The following KIAA1217 variants were observed in gnomAD, a reference collection of about 807,000 sequenced individuals.
The protein encoded by KIAA1217 is sickle tail protein homolog.
Under a neutral mutation model 163.9 loss-of-function variants are expected in KIAA1217, and 88 were observed. That is an observed-to-expected ratio of 0.54 (90% CI 0.45 to 0.64). The LOEUF (loss-of-function observed/expected upper bound fraction) is 0.64. Among genes scored for constraint, KIAA1217 ranks in the 30% least tolerant of loss-of-function variants. KIAA1217 has a pLI of 0.00. For missense variants in KIAA1217, 2,372 were observed against 2,475.0 expected (o/e 0.96, Z 0.88); for synonymous variants, 903 against 923.1 (o/e 0.98, Z 0.39).
Position 24,498,344 on chromosome 10 carries a change from G to A in KIAA1217, c.1835-3035G>A, listed in dbSNP as rs188372596. Among the ~76,000 whole-genome samples the A allele has an allele frequency of 1.8e-3, 280 of 152,282 alleles. 1 individual carries two copies. The highest frequency in any genetic ancestry group is 6.0e-3 in the African/African-American group (248 of 41,556). ...CAAAGTGACTAAAAGGAAAAGAAGTGGCTGACAAAGCTTAGTGTCACATTG... is the reference window on the plus strand; with the variant it reads ...CAAAGTGACTAAAAGGAAAAGAAGTAGCTGACAAAGCTTAGTGTCACATTG... On this transcript the variant is annotated intron_variant, in intron 8 of 20. Coordinates refer to ENST00000376454, the MANE Select transcript of KIAA1217 (RefSeq NM_019590.5).
chr10:23,978,104 A>C (rs572978761), intron 1 of KIAA1217, among the ~76,000 whole-genome samples: 1 of 152,288 alleles, frequency 6.6e-6, no homozygotes, highest in South Asian at 2.1e-4. Flanking sequence ...CTGATAAGGG[A>C]GTTGGGTGAC....
intron 2 of KIAA1217, among the ~76,000 whole-genome samples, chr10:24,018,774 C>G (rs1243968519): frequency 6.6e-6 from 1 of 152,032 alleles, no homozygotes; most frequent in Non-Finnish European, 1.5e-5. Context: ...TATTGCAGCA[C>G]TATTCACCAT....
chr10:24,529,693 G>A (rs1430364757), intron 14 of KIAA1217, among the ~76,000 whole-genome samples: 1 of 151,924 alleles, frequency 6.6e-6, no homozygotes, highest in African/African-American at 2.4e-5. Flanking sequence ...GCTGTGTCAG[G>A]TCTGTCTAGG....
intron 2 of KIAA1217, among the ~76,000 whole-genome samples, chr10:24,091,528 G>T (rs529758039): frequency 6.6e-6 from 1 of 151,882 alleles, no homozygotes; most frequent in East Asian, 1.9e-4. Flanking sequence ...TTAACAAATT[G>T]CCAAACTGTA....
At chr10:23,720,108 G>C (rs1311760087) in intron 1 of KIAA1217, among the ~76,000 whole-genome samples, 1 of 151,718 alleles carries the variant, frequency 6.6e-6, no homozygotes, top group Non-Finnish European at 1.5e-5. Context: ...GATAGAGATG[G>C]TGGTTACACA....
At chr10:24,289,053 C>G (rs220353) in intron 2 of KIAA1217, among the ~76,000 whole-genome samples, 56,485 of 152,052 alleles carry the variant, frequency 0.37, 11,612 homozygotes, top group Non-Finnish European at 0.47. Flanking sequence ...ACTTTTTACG[C>G]TTTTTTCTCT....
chr10:24,261,321 A>C (rs1334509174), intron 2 of KIAA1217, among the ~76,000 whole-genome samples: 1 of 151,972 alleles, frequency 6.6e-6, no homozygotes, highest in Non-Finnish European at 1.5e-5. Flanking sequence ...AACATGGTGA[A>C]ACCCCTTTTC....
intron 2 of KIAA1217, among the ~76,000 whole-genome samples, chr10:24,257,242 A>T (rs998028037): frequency 6.6e-6 from 1 of 152,112 alleles, no homozygotes; most frequent in Non-Finnish European, 1.5e-5. Context: ...GCTTTAAAAA[A>T]CTTTGGTGTA....
At chr10:24,213,687 T>C (rs1159459842) in intron 1 of KIAA1217, among the ~76,000 whole-genome samples, 1 of 152,158 alleles carries the variant, frequency 6.6e-6, no homozygotes, top group Non-Finnish European at 1.5e-5. Flanking sequence ...AATATTTGTA[T>C]GAATGAATGA....
intron 2 of KIAA1217, among the ~76,000 whole-genome samples, chr10:24,220,905 T>C (rs1249571256): frequency 6.6e-6 from 1 of 151,918 alleles, no homozygotes; most frequent in Non-Finnish European, 1.5e-5. Context: ...ACTACAGACA[T>C]GCAGCACCAT....
intron 1 of KIAA1217, among the ~76,000 whole-genome samples, chr10:23,770,957 A>G (rs1345182957): frequency 2.0e-5 from 3 of 152,198 alleles, no homozygotes; most frequent in Admixed American, 6.5e-5. Flanking sequence ...TTAGCGTGTT[A>G]TCAACCCAAC....
chr10:24,092,514 A>C (rs1211744774), intron 2 of KIAA1217, among the ~76,000 whole-genome samples: 2 of 151,798 alleles, frequency 1.3e-5, no homozygotes, highest in African/African-American at 4.9e-5. Context: ...CTGTCCCTCA[A>C]CCTATGAATG....
At chr10:23,841,309 G>A (rs1838769168) in intron 1 of KIAA1217, among the ~76,000 whole-genome samples, 1 of 152,124 alleles carries the variant, frequency 6.6e-6, no homozygotes, top group African/African-American at 2.4e-5. Context: ...CAACTGTAAA[G>A]ACCCTGAGAT....
In KIAA1217 at chr10:24,067,933, C is replaced by T. The variant is rs531755958; in HGVS notation, c.-171+60559C>T. ...GAGCGAGGCTCCATGGGTGTAGGACCCTCAGAGCCTTGTGCAGGATATAAT... is the reference window on the plus strand; with the variant it reads ...GAGCGAGGCTCCATGGGTGTAGGACTCTCAGAGCCTTGTGCAGGATATAAT... On this transcript the variant is annotated intron_variant, in intron 2 of 18. Transcript: ENST00000376462. Among the ~76,000 whole-genome samples, 27 of 152,354 alleles carry T rather than the reference C, an allele frequency of 1.8e-4. 1 individual carries two copies. In the South Asian group the frequency reaches 5.2e-3, roughly 29 times the overall value.
chr10:24,317,222 A>T (rs1437118972), intron 2 of KIAA1217, among the ~76,000 whole-genome samples: 2 of 152,170 alleles, frequency 1.3e-5, no homozygotes, highest in Non-Finnish European at 2.9e-5. Flanking sequence ...CTGATACATA[A>T]ATAAACCCAT....
chr10:24,507,654 TTAA>T (rs1304099516), intron 9 of KIAA1217, among the ~76,000 whole-genome samples: 1 of 151,976 alleles, frequency 6.6e-6, no homozygotes, highest in East Asian at 1.9e-4. Context: ...TGAGACAATA[TTAA>T]TAAAAGATGA....
chr10:24,164,784 G>A (rs1265643812), intron 2 of KIAA1217, among the ~76,000 whole-genome samples: 1 of 152,130 alleles, frequency 6.6e-6, no homozygotes, highest in African/African-American at 2.4e-5. Context: ...GATTCTAGGT[G>A]GAAAGGCCCT....
intron 1 of KIAA1217, among the ~76,000 whole-genome samples, chr10:23,713,391 C>G (rs767670518): frequency 4.9e-4 from 74 of 152,198 alleles, no homozygotes; most frequent in Non-Finnish European, 7.4e-4. Flanking sequence ...TGTTTTTTTA[C>G]TTCCAATGGA....
chr10:24,087,807 T>A (rs1199838160), intron 2 of KIAA1217, among the ~76,000 whole-genome samples: 1 of 152,246 alleles, frequency 6.6e-6, no homozygotes, highest in African/African-American at 2.4e-5. Flanking sequence ...CTTTCCACAC[T>A]TATGCATTCT....
Sources: gnomAD v4.1 joint callset for allele counts (sites outside exome capture counted in the v4.1 genomes callset) on GRCh38, gnomAD v4.1.1 for gene constraint, MANE v1.5 for transcripts, NCBI Gene and HGNC (gene_info 2026-07-23, HGNC 2026-07-21) for gene names.